The following ARHGAP29 variants were observed in gnomAD, a reference collection of about 807,000 sequenced individuals.
The protein encoded by ARHGAP29 is Rho GTPase activating protein 29, also known as rho GTPase-activating protein 29.
A neutral mutation model predicts 122.6 loss-of-function variants in ARHGAP29; 43 were observed. That is an observed-to-expected ratio of 0.35 (90% CI 0.27 to 0.45). ARHGAP29 has a LOEUF of 0.45. ARHGAP29 is among the 20% of genes least tolerant of loss of function. The probability of loss-of-function intolerance (pLI) is 1.00; values close to 1 mark genes in which losing one functional copy is unlikely to be tolerated. For synonymous variants in ARHGAP29, 506 were observed against 497.1 expected, an observed-to-expected ratio of 1.02 and a Z score of -0.24; for missense variants, 1,303 against 1,477.2, an observed-to-expected ratio of 0.88 and a Z score of 1.93.
chr1:94,242,616 C>CAA (rs11320139), upstream of ARHGAP29, among the ~76,000 whole-genome samples: 1 of 130,176 alleles, frequency 7.7e-6, no homozygotes, highest in Non-Finnish European at 1.6e-5. Flanking sequence ...TTCAAAAAAT[C>CAA]AAAAAAAAAA....
At chr1:94,252,987 T>C (rs1469881799) in intron 1 of ARHGAP29, among the ~76,000 whole-genome samples, 1 of 152,198 alleles carries the variant, frequency 6.6e-6, no homozygotes, top group Non-Finnish European at 1.5e-5. Context: ...ATTTTTTTTT[T>C]TGAGACAGAG....
chr1:94,241,312 C>G (rs961233356), upstream of ARHGAP29, among the ~76,000 whole-genome samples: 5 of 152,126 alleles, frequency 3.3e-5, no homozygotes, highest in African/African-American at 1.2e-4. Context: ...TCTAGATTAT[C>G]CTTAAAAGAT....
chr1:94,301,597 T>C, the ARHGAP29 span, among the ~76,000 whole-genome samples: 1 of 152,178 alleles, frequency 6.6e-6, no homozygotes, highest in African/African-American at 2.4e-5. Context: ...TTTCTGCCCC[T>C]TGTATGGTGG....
intron 1 of ARHGAP29, among the ~76,000 whole-genome samples, chr1:94,232,365 G>GAC (rs375173043): frequency 1.1e-4 from 16 of 151,844 alleles, no homozygotes; most frequent in Middle Eastern, 3.4e-3. Flanking sequence ...CATATACACA[G>GAC]ACACACACAC....
chr1:94,234,963 T>C (rs1274213487), intron 1 of ARHGAP29, among the ~76,000 whole-genome samples: 1 of 152,098 alleles, frequency 6.6e-6, no homozygotes, highest in Non-Finnish European at 1.5e-5. Flanking sequence ...ACATGTAAAA[T>C]AGTAACCCAA....
rs1570482967 is a variant in ARHGAP29, at chr1:94,177,978, T to C, written c.2670A>G (p.Leu890=). 1 of 1,614,156 alleles carries C rather than the reference T, an allele frequency of 6.2e-7. No homozygotes were observed. The highest frequency in any genetic ancestry group is 1.1e-5 in the South Asian group (1 of 91,082). ...TGCTACACATAACATCTTGTGGTTG[T>C]AGGGACCCATCGAAGATCTTCTGTG... ...TYSQKIFDGS[L]QPQDVMCSIG... is the part of the protein sequence containing the mutation. The change falls in exon 21 of 23, where the codon CTA becomes CTG. Residue 890 remains leucine (L), a synonymous_variant. Transcript: ENST00000260526.
intron 1 of ARHGAP29, among the ~76,000 whole-genome samples, chr1:94,268,418 C>A (rs533707335): frequency 6.6e-6 from 1 of 152,260 alleles, no homozygotes; most frequent in African/African-American, 2.4e-5. Flanking sequence ...AGCACACACA[C>A]ACATTGGCAT....
At chr1:94,213,967 T>G (rs1387285517) in intron 3 of ARHGAP29, among the ~76,000 whole-genome samples, 1 of 152,204 alleles carries the variant, frequency 6.6e-6, no homozygotes, top group Non-Finnish European at 1.5e-5. Context: ...TTTTTGCAAG[T>G]TTCAACAACA....
chr1:94,269,763 C>T (rs75320191), intron 1 of ARHGAP29, among the ~76,000 whole-genome samples: 4,018 of 152,072 alleles, frequency 0.026, 183 homozygotes, highest in African/African-American at 0.092. Context: ...CTAAAGCTGA[C>T]GAAATCATAG....
rs1030188446 is a variant in ARHGAP29 at position 94,180,032 on chromosome 1, A to G, written c.2248-75T>C. 18 of 977,970 alleles carry G rather than the reference A, an allele frequency of 1.8e-5. No homozygotes were observed. The African/African-American group carries it at 2.0e-4, about 11-fold the overall frequency. 60.6% of individuals were successfully genotyped at this position (977,970 alleles called of 1,614,324 possible). On this transcript the variant is annotated intron_variant, in intron 19 of 22. Transcript: ENST00000260526. ...ATAATCAACTATTACTAACAGTTAC[A>G]GAGTGATTTAGCATGTCCCTTTACA...
chr1:94,188,736 A>T, intron 15 of ARHGAP29, 101 bp downstream of exon 15: 1 of 943,286 alleles, frequency 1.1e-6, no homozygotes, highest in Non-Finnish European at 1.6e-6. Context: ...CCTCTCTATT[A>T]TGTGTGAAAG....
At chr1:94,176,265 G>A (rs1649084897) in intron 22 of ARHGAP29, among the ~76,000 whole-genome samples, 1 of 152,150 alleles carries the variant, frequency 6.6e-6, no homozygotes, top group African/African-American at 2.4e-5. Flanking sequence ...ACTCCTATGT[G>A]TATCTATGTT....
rs912515931 is a variant in ARHGAP29, at chr1:94,169,495, G to A, written c.*4374C>T. 6.6e-6 allele frequency among the ~76,000 whole-genome samples: 1 copy of A among 152,202 alleles called. No homozygotes were observed. The highest frequency in any genetic ancestry group is 2.4e-5 in the African/African-American group (1 of 41,442). Reference sequence around the variant, plus strand: ...GGGAGTCAGGTTTCTATGAGAGAAGGAAGTTACAAAGATGGAAAGGGAGAC... The same window carrying A: ...GGGAGTCAGGTTTCTATGAGAGAAGAAAGTTACAAAGATGGAAAGGGAGAC... On this transcript the variant is annotated 3_prime_UTR_variant, in exon 23 of 23. Coordinates refer to ENST00000260526, the MANE Select transcript of ARHGAP29 (RefSeq NM_004815.4).
intron 9 of ARHGAP29, 23 bp downstream of exon 9, chr1:94,203,077 T>G: frequency 6.2e-7 from 1 of 1,600,506 alleles, no homozygotes; most frequent in Non-Finnish European, 8.5e-7. Flanking sequence ...AAAAGTGCAT[T>G]ATACATATAA....
the ARHGAP29 span, among the ~76,000 whole-genome samples, chr1:94,301,161 TC>T: frequency 6.5e-5 from 9 of 138,628 alleles, no homozygotes; most frequent in African/African-American, 2.8e-4. Flanking sequence ...ACAGAAAGAC[TC>T]TCGATGTTTT....
the ARHGAP29 span, among the ~76,000 whole-genome samples, chr1:94,293,242 C>T: frequency 1.9e-3 from 290 of 152,324 alleles, 3 homozygotes; most frequent in African/African-American, 6.2e-3. Flanking sequence ...CAGACTGCTG[C>T]GCTGGCAGCG....
intron 3 of ARHGAP29, among the ~76,000 whole-genome samples, chr1:94,210,278 C>T (rs1651502053): frequency 6.6e-6 from 1 of 152,148 alleles, no homozygotes; most frequent in African/African-American, 2.4e-5. Context: ...TATTTTAAAA[C>T]AGAGTTGTCT....
Position 94,250,104 on chromosome 1 carries a change from A to T in ARHGAP29, c.-32-18461T>A, listed in dbSNP as rs79409098. 6.0e-3 allele frequency among the ~76,000 whole-genome samples: 918 copies of T among 152,242 alleles called. 5 individuals carry two copies. Among genetic ancestry groups the T allele is most frequent in the African/African-American group, 0.021 (876 of 41,522 alleles). ...ATGTCTAAAGCAAAGCCTATCCCAG[A>T]TATCCTGTTCCCTGAGGTGAAGGGA... On this transcript the variant is annotated intron_variant and NMD_transcript_variant, in intron 1 of 25. Coordinates refer to the ARHGAP29 transcript ENST00000552844.
intron 20 of ARHGAP29, among the ~76,000 whole-genome samples, chr1:94,178,742 T>C (rs929465069): frequency 3.9e-5 from 6 of 152,254 alleles, no homozygotes; most frequent in African/African-American, 1.4e-4. Context: ...CAAAATTCTT[T>C]AGTGGGTACT....
Sources: allele counts gnomAD v4.1 joint callset (sites outside exome capture counted in the v4.1 genomes callset), GRCh38; gene constraint gnomAD v4.1.1; transcripts MANE v1.5; gene names NCBI Gene and HGNC (gene_info 2026-07-23, HGNC 2026-07-21).